MAN2A1: variants seen among roughly 807,000 people sequenced by gnomAD.
The protein encoded by MAN2A1 is mannosidase alpha class 2A member 1.
MAN2A1 carries 76 observed loss-of-function variants against 142.6 expected under a neutral mutation model. The ratio of observed to expected loss-of-function variants is 0.53; its 90% CI spans 0.44 to 0.65. The LOEUF is 0.65. MAN2A1 is among the 30% of genes least tolerant of loss of function. The pLI is 0.00. For synonymous variants in MAN2A1, 559 were observed against 473.2 expected (o/e 1.18, Z -2.35); for missense variants, 1,311 against 1,365.1 (o/e 0.96, Z 0.62).
intron 8 of MAN2A1, 135 bp from the exon 9 acceptor site, chr5:109,781,261 A>G: frequency 1.9e-6 from 1 of 532,028 alleles, no homozygotes; most frequent in Non-Finnish European, 3.2e-6. Context: ...TCTGATTTTT[A>G]TAAAATCTGA....
chr5:109,855,352 T>C lies in MAN2A1; in HGVS notation c.3171+18T>C. 1 of 1,467,408 alleles carries C rather than the reference T, an allele frequency of 6.8e-7. No homozygotes were observed. Among genetic ancestry groups the C allele is most frequent in the Non-Finnish European group, 9.1e-7 (1 of 1,104,422 alleles). The allele number at this position is 1,467,408 out of a possible 1,614,324, so 90.9% of individuals were successfully genotyped here. ...AGTCAAAGGTATGTCTCAAAATATATCTTATAAAAAATTACTGTTTATTAT... is the reference window on the plus strand; with the variant it reads ...AGTCAAAGGTATGTCTCAAAATATACCTTATAAAAAATTACTGTTTATTAT... On this transcript the variant is annotated intron_variant, in intron 20 of 21. Transcript: ENST00000261483.
rs1172443220 is a variant in MAN2A1, at chr5:109,690,453, T to C, written c.36T>C (p.Ser12=). ...GCCGCCAGTTCACCGTGTTCGGCAG[T>C]GCGATCTTCTGTGTGGTGATTTTCT... ...KLSRQFTVFG[S]AIFCVVIFSL... is the part of the protein sequence containing the mutation. The change falls in exon 1 of 22, where the codon AGT becomes AGC. Residue 12 remains serine (S), a synonymous_variant. Transcript: ENST00000261483. 6.2e-7 allele frequency: 1 copy of C among 1,614,050 alleles called. No homozygotes were observed.
At position 109,690,416 on chromosome 5, in the gene MAN2A1, A is replaced by G. The variant is rs768923022; in HGVS notation, c.-2A>G. ...GTCCTGGCCCCGAGTCTATCGAGGA[A>G]AATGAAGTTAAGCCGCCAGTTCACC... is the stretch of plus-strand genomic sequence containing the variant. On this transcript the variant is annotated 5_prime_UTR_variant, in exon 1 of 22. Coordinates refer to ENST00000261483, the MANE Select transcript of MAN2A1 (RefSeq NM_002372.4). 1 of 1,613,996 alleles carries G rather than the reference A, an allele frequency of 6.2e-7. No individual in the cohort carries two copies. Among genetic ancestry groups the G allele is most frequent in the South Asian group, 1.1e-5 (1 of 91,080 alleles).
chr5:109,825,379 C>G (rs1754728830), intron 16 of MAN2A1, among the ~76,000 whole-genome samples: 1 of 152,182 alleles, frequency 6.6e-6, no homozygotes, highest in Non-Finnish European at 1.5e-5. Flanking sequence ...TGTTTTTCAT[C>G]AGTTATATTT....
chr5:109,697,788 A>G (rs1323582206), intron 1 of MAN2A1, among the ~76,000 whole-genome samples: 1 of 152,200 alleles, frequency 6.6e-6, no homozygotes, highest in Non-Finnish European at 1.5e-5. Context: ...GTATTGTTAG[A>G]TCTGTTAAAG....
At chr5:109,752,675 A>G (rs1752578912) in intron 4 of MAN2A1, among the ~76,000 whole-genome samples, 1 of 152,168 alleles carries the variant, frequency 6.6e-6, no homozygotes, top group African/African-American at 2.4e-5. Flanking sequence ...GGCAGTTGAG[A>G]CCAGCCAGAC....
intron 1 of MAN2A1, among the ~76,000 whole-genome samples, chr5:109,692,636 G>T (rs1474265593): frequency 5.3e-5 from 8 of 152,300 alleles, no homozygotes; most frequent in Non-Finnish European, 8.8e-5. Context: ...CAGGCTCCCA[G>T]CCACTGAGTT....
At chr5:109,840,460 A>G (rs1755172412) in intron 16 of MAN2A1, 4 of 479,740 alleles carry the variant, frequency 8.3e-6, no homozygotes, top group Admixed American at 6.8e-5. Flanking sequence ...TGCTGCAACC[A>G]CTGAAGTCAT....
chr5:109,739,631 G>A (rs934072833), intron 4 of MAN2A1, among the ~76,000 whole-genome samples: 2 of 152,002 alleles, frequency 1.3e-5, no homozygotes, highest in African/African-American at 4.8e-5. Context: ...TTATTTATCC[G>A]TGAGCAGCAA....
intron 1 of MAN2A1, among the ~76,000 whole-genome samples, chr5:109,693,951 A>AT (rs1388785133): frequency 6.6e-6 from 1 of 152,252 alleles, no homozygotes; most frequent in Non-Finnish European, 1.5e-5. Flanking sequence ...ACTTGGAAGA[A>AT]TTTGAGCAGA....
intron 1 of MAN2A1, among the ~76,000 whole-genome samples, chr5:109,709,370 C>G (rs1751231726): frequency 1.3e-5 from 2 of 152,094 alleles, no homozygotes. Flanking sequence ...AGGGTTTAAT[C>G]AAAAGGGCAA....
chr5:109,865,696 C>T (rs1430262826), intron 21 of MAN2A1, among the ~76,000 whole-genome samples: 1 of 152,200 alleles, frequency 6.6e-6, no homozygotes, highest in Non-Finnish European at 1.5e-5. Flanking sequence ...CTGATTAATG[C>T]AGATTTGCAT....
intron 1 of MAN2A1, among the ~76,000 whole-genome samples, chr5:109,704,553 A>G (rs1189091440): frequency 6.6e-6 from 1 of 151,892 alleles, no homozygotes; most frequent in Admixed American, 6.5e-5. Flanking sequence ...CCCAGTTCAC[A>G]CTCTTTTTGG....
chr5:109,777,264 T>C (rs1238141760), intron 8 of MAN2A1, among the ~76,000 whole-genome samples: 1 of 152,152 alleles, frequency 6.6e-6, no homozygotes, highest in African/African-American at 2.4e-5. Flanking sequence ...TTGTTTTCCA[T>C]TTTTATCCTT....
rs763342582 is a variant in MAN2A1 at position 109,819,909 on chromosome 5, A to C, written c.2328+22A>C. 10 of 1,440,112 alleles carry C rather than the reference A, an allele frequency of 6.9e-6. No individual in the cohort carries two copies. The East Asian group carries it at 2.3e-4, about 33-fold the overall frequency. 89.2% of individuals were successfully genotyped at this position (1,440,112 alleles called of 1,614,324 possible). A position where few individuals can be genotyped will look rare whatever the true frequency, so the allele number is the denominator to read the frequency against. The stretch of plus-strand genomic sequence containing the variant: ...GAAGGTATGTTCTGAATAGTTCTAA[A>C]ATTCATAGAATGCTTATCATTTTTG... On this transcript the variant is annotated intron_variant, in intron 14 of 21. Coordinates refer to ENST00000261483, the MANE Select transcript of MAN2A1 (RefSeq NM_002372.4).
intron 1 of MAN2A1, among the ~76,000 whole-genome samples, chr5:109,703,303 AT>A (rs1466707417): frequency 2.6e-5 from 4 of 152,240 alleles, no homozygotes; most frequent in Non-Finnish European, 5.9e-5. Context: ...GCATTAATTC[AT>A]GGTAAATGTG....
At chr5:109,785,833 CA>C (rs1232074104) in intron 10 of MAN2A1, among the ~76,000 whole-genome samples, 2 of 151,912 alleles carry the variant, frequency 1.3e-5, no homozygotes, top group African/African-American at 4.8e-5. Context: ...ATTTTAAAGT[CA>C]TTTAAAATAT....
At chr5:109,732,233 TTTGAGTTCA>T (rs2112588590) in intron 4 of MAN2A1, among the ~76,000 whole-genome samples, 1 of 150,994 alleles carries the variant, frequency 6.6e-6, no homozygotes, top group South Asian at 2.1e-4. Context: ...TGTAAATTTG[TTTGAGTTCA>T]TTGTAGATTC....
chr5:109,851,253 T>G (rs1755474313), intron 19 of MAN2A1, among the ~76,000 whole-genome samples: 1 of 152,236 alleles, frequency 6.6e-6, no homozygotes, highest in Non-Finnish European at 1.5e-5. Flanking sequence ...TGCACGAGGT[T>G]GACCATCATT....
Sources: allele counts gnomAD v4.1 joint callset (sites outside exome capture counted in the v4.1 genomes callset), GRCh38; gene constraint gnomAD v4.1.1; transcripts MANE v1.5; gene names NCBI Gene and HGNC (gene_info 2026-07-23, HGNC 2026-07-21).